The following RUBCNL variants were observed in gnomAD, a reference collection of about 807,000 sequenced individuals.
RUBCNL encodes the protein rubicon like autophagy enhancer.
RUBCNL carries 62 observed loss-of-function variants against 69.5 expected under a neutral mutation model. The ratio of observed to expected loss-of-function variants is 0.89; its 90% CI spans 0.73 to 1.10. RUBCNL has a LOEUF of 1.10. Ranked by LOEUF, RUBCNL falls within the 50% of genes least tolerant of loss-of-function variation. RUBCNL has a pLI of 0.00. For missense variants in RUBCNL, 768 were observed against 798.1 expected (o/e 0.96, Z 0.45); for synonymous variants, 291 against 303.6 (o/e 0.96, Z 0.43).
chr13:46,372,965 TTTTC>T (rs1019723306), intron 2 of RUBCNL, among the ~76,000 whole-genome samples: 23 of 151,862 alleles, frequency 1.5e-4, no homozygotes, highest in African/African-American at 4.8e-4. Flanking sequence ...CATTTCCACA[TTTTC>T]TTTCTTTCTT....
chr13:46,349,264 C>T, intron 12 of RUBCNL, 22 bp downstream of exon 12: 2 of 1,610,632 alleles, frequency 1.2e-6, no homozygotes, highest in Non-Finnish European at 1.7e-6. Flanking sequence ...GGAAGGCAGC[C>T]TGTCCCAGCT....
chr13:46,381,744 G>A (rs900023150), intron 1 of RUBCNL, among the ~76,000 whole-genome samples: 4 of 152,010 alleles, frequency 2.6e-5, no homozygotes, highest in Admixed American at 1.3e-4. Flanking sequence ...CACCACGCCC[G>A]GCAATTTTTG....
At chr13:46,387,770 T>C (rs149470369), upstream of RUBCNL, 4,603 of 985,754 alleles carry the variant, frequency 4.7e-3, 39 homozygotes, top group African/African-American at 0.028. Flanking sequence ...CGCGTTAGTT[T>C]AGCCTTCACT....
At chr13:46,362,647 T>C in intron 6 of RUBCNL, 49 bp from the exon 7 acceptor site, 1 of 1,335,642 alleles carries the variant, frequency 7.5e-7, no homozygotes, top group Non-Finnish European at 1.1e-6. Context: ...GTCTGTTTCA[T>C]TTAATCGCAG....
rs2048134702 is a variant in RUBCNL, at chr13:46,340,605, G to T, written c.*2780C>A. Among the ~76,000 whole-genome samples, 1 of 152,170 alleles carries T rather than the reference G, an allele frequency of 6.6e-6. No individual in the cohort carries two copies. Among genetic ancestry groups the T allele is most frequent in the South Asian group, 2.1e-4 (1 of 4,838 alleles). On this transcript the variant is annotated 3_prime_UTR_variant, in exon 15 of 15. Coordinates refer to ENST00000429979, the MANE Select transcript of RUBCNL (RefSeq NM_025113.5). ...GAGGCTGGGTGATTTATAAAGAAAA[G>T]AGGTTAATTTGGCTTATGGTTCTGC...
chr13:46,363,961 CATTATT>C (rs139658390), intron 5 of RUBCNL, among the ~76,000 whole-genome samples: 1 of 149,108 alleles, frequency 6.7e-6, no homozygotes, highest in African/African-American at 2.5e-5. Context: ...CATTAATAAT[CATTATT>C]ATATTATTAA....
intron 9 of RUBCNL, among the ~76,000 whole-genome samples, chr13:46,357,427 G>A (rs899499503): frequency 2.4e-4 from 36 of 151,160 alleles, no homozygotes; most frequent in Non-Finnish European, 4.9e-4. Context: ...CTCGATGCCC[G>A]TGTACAGGGT....
intron 6 of RUBCNL, among the ~76,000 whole-genome samples, 153 bp downstream of exon 6, chr13:46,362,962 A>ATATATATATATATATATATATATC (rs2048663147): frequency 3.2e-5 from 3 of 94,216 alleles, no homozygotes; most frequent in East Asian, 6.8e-4. Flanking sequence ...ATATATATAT[A>ATATATATATATATATATATATATC]TATATATATA....
chr13:46,385,429 C>T (rs376166888), intron 1 of RUBCNL: 1 of 182,632 alleles, frequency 5.5e-6, no homozygotes, highest in African/African-American at 2.4e-5. Flanking sequence ...CCAAGAACTG[C>T]CTAAATTTTT....
At position 46,338,811 on chromosome 13, in the gene RUBCNL, C is replaced by T. The variant is rs1216707087; in HGVS notation, c.*4574G>A. On this transcript the variant is annotated 3_prime_UTR_variant, in exon 15 of 15. Transcript: ENST00000429979. ...GTGGCTCACACCTGTAATCCAAGCA[C>T]TTTGGGAGGCCGAGGCGGGTAGATC... 1.3e-5 allele frequency among the ~76,000 whole-genome samples: 2 copies of T among 152,056 alleles called. No homozygotes were observed. Among genetic ancestry groups the T allele is most frequent in the Non-Finnish European group, 2.9e-5 (2 of 68,014 alleles).
rs1282003450 is a variant in RUBCNL at position 46,342,974 on chromosome 13, T to C, written c.*411A>G. 1 of 172,178 alleles carries C rather than the reference T, an allele frequency of 5.8e-6. No homozygotes were observed. The highest frequency in any genetic ancestry group is 6.2e-5 in the Admixed American group (1 of 16,130). The allele number at this position is 172,178 out of a possible 1,614,324, so 10.7% of individuals were successfully genotyped here. On this transcript the variant is annotated 3_prime_UTR_variant, in exon 15 of 15. Transcript: ENST00000429979. Reference sequence around the variant, plus strand: ...GCCAGAGCAAACAGATTTGGGGTCATATTTTTGTTCACTGAAAGGACCAAC... The same window carrying C: ...GCCAGAGCAAACAGATTTGGGGTCACATTTTTGTTCACTGAAAGGACCAAC...
chr13:46,343,473 T>G lies in RUBCNL; in HGVS notation c.1901A>C (p.Gln634Pro). ...CSACRACFHK[Q>P]CFQSSECPRC... ...GGGGCACTCGGAGGACTGGAAGCAC[T>G]GTTTGTGAAAGCAAGCCCTGCACGC... Residue 634 changes from glutamine (Q) to proline (P), a missense_variant, in exon 15 of 15, where the codon CAG becomes CCG. Gln to Pro is a moderately conservative substitution (Grantham distance 76). Transcript: ENST00000429979. 1 of 1,613,942 alleles carries G rather than the reference T, an allele frequency of 6.2e-7. No homozygotes were observed. The highest frequency in any genetic ancestry group is 8.5e-7 in the Non-Finnish European group (1 of 1,179,868).
intron 10 of RUBCNL, among the ~76,000 whole-genome samples, chr13:46,355,141 C>A (rs2048456419): frequency 6.6e-6 from 1 of 152,116 alleles, no homozygotes; most frequent in African/African-American, 2.4e-5. Flanking sequence ...CTTTTTCCTT[C>A]AAAAACCGAC....
upstream of RUBCNL, chr13:46,387,964 T>C: frequency 1.8e-6 from 1 of 567,012 alleles, no homozygotes; most frequent in South Asian, 7.7e-5. Context: ...TCCCAGCACC[T>C]ACTTTGGGAG....
Position 46,350,267 on chromosome 13 carries a change from G to A in RUBCNL, c.1415C>T (p.Pro472Leu). The A allele has an allele frequency of 6.3e-7, 1 of 1,589,726 alleles. No homozygotes were observed. Among genetic ancestry groups the A allele is most frequent in the Non-Finnish European group, 8.6e-7 (1 of 1,167,706 alleles). The change falls in exon 11 of 15, where the codon CCT becomes CTT. Residue 472 changes from proline to leucine, a missense_variant. Coordinates refer to ENST00000429979, the MANE Select transcript of RUBCNL (RefSeq NM_025113.5). ...CCHSYAESCI[P>L]ARILMMWDFK... ...GTCCCACATCATCAGGATTCGGGCA[G>A]GGATGCACGACTCTGCATATGAGTG...
chr13:46,368,271 A>G (rs759546415), intron 4 of RUBCNL, 22 bp from the exon 5 acceptor site: 19 of 1,597,794 alleles, frequency 1.2e-5, no homozygotes, highest in Non-Finnish European at 1.5e-5. Context: ...GAAATCAATT[A>G]AAATACAAGC....
rs1031675536 is a variant in RUBCNL at position 46,342,472 on chromosome 13, A to G, written c.*913T>C. On this transcript the variant is annotated 3_prime_UTR_variant, in exon 15 of 15. Coordinates refer to ENST00000429979, the MANE Select transcript of RUBCNL (RefSeq NM_025113.5). ...AGGCTCACATGTTTCAGGAAAACAT[A>G]TAAGAACTATTAGAAAAAAGAAATT... is the stretch of plus-strand genomic sequence containing the variant. 2.0e-4 allele frequency: 31 copies of G among 152,244 alleles called. No individual in the cohort carries two copies. Among genetic ancestry groups the G allele is most frequent in the African/African-American group, 6.5e-4 (27 of 41,466 alleles). The allele number at this position is 152,244 out of a possible 1,614,324, so 9.4% of individuals were successfully genotyped here. A position where few individuals can be genotyped will look rare whatever the true frequency, so the allele number is the denominator to read the frequency against.
At position 46,372,231 on chromosome 13, in the gene RUBCNL, G is replaced by C; in HGVS notation, c.245C>G (p.Thr82Arg). ...AAGNSGTHFV[T>R]DAASPSGPSP... ...AGGGCCTGAGGGAGAGGCAGCATCTGTCACAAAATGGGTCCCACTGTTCCC... is the reference window on the plus strand; with the variant it reads ...AGGGCCTGAGGGAGAGGCAGCATCTCTCACAAAATGGGTCCCACTGTTCCC... The change falls in exon 3 of 15, where the codon ACA becomes AGA. Residue 82 changes from threonine to arginine, a missense_variant. Physicochemically the swap from Thr to Arg is moderately conservative, Grantham distance 71. Coordinates refer to ENST00000429979, the MANE Select transcript of RUBCNL (RefSeq NM_025113.5). 6.2e-7 allele frequency: 1 copy of C among 1,614,054 alleles called. No homozygotes were observed. The highest frequency in any genetic ancestry group is 2.2e-5 in the East Asian group (1 of 44,892).
intron 10 of RUBCNL, among the ~76,000 whole-genome samples, chr13:46,356,179 G>A (rs2048479588): frequency 6.6e-6 from 1 of 152,188 alleles, no homozygotes; most frequent in African/African-American, 2.4e-5. Flanking sequence ...GGGGCAGCAG[G>A]AGGCCACGTG....
Sources: allele counts gnomAD v4.1 joint callset (sites outside exome capture counted in the v4.1 genomes callset), GRCh38; gene constraint gnomAD v4.1.1; transcripts MANE v1.5; gene names NCBI Gene and HGNC (gene_info 2026-07-23, HGNC 2026-07-21).